RTL4: variants seen among roughly 807,000 people sequenced by gnomAD.
RTL4 encodes retrotransposon Gag-like protein 4.
Under a neutral mutation model 5.3 loss-of-function variants are expected in RTL4, and 4 were observed. The ratio of observed to expected loss-of-function variants is 0.75; its 90% CI spans 0.37 to 1.72. RTL4 has a LOEUF of 1.72. Ranked by LOEUF, RTL4 falls within the 40% of genes most tolerant of loss-of-function variation. RTL4 has a pLI of 0.04. For synonymous variants in RTL4, 98 were observed against 87.3 expected, an observed-to-expected ratio of 1.12 and a Z score of -0.68; for missense variants, 260 against 227.1, an observed-to-expected ratio of 1.14 and a Z score of -0.93.
At chrX:112,125,562 T>A in the RTL4 span, among the ~76,000 whole-genome samples, 2 of 111,718 alleles carry the variant, frequency 1.8e-5, no homozygotes, top group African/African-American at 6.5e-5. Context: ...AGAGAAGACA[T>A]GTTAATAATG....
the RTL4 span, among the ~76,000 whole-genome samples, chrX:112,337,133 G>A: frequency 1.8e-5 from 2 of 111,672 alleles, no homozygotes; most frequent in Non-Finnish European, 3.8e-5. Context: ...GTCTCTCAAA[G>A]TATGTCGCTT....
the RTL4 span, among the ~76,000 whole-genome samples, chrX:112,326,811 G>A: frequency 4.5e-5 from 5 of 111,699 alleles, no homozygotes; most frequent in Admixed American, 1.9e-4. Flanking sequence ...GGAGATCTGA[G>A]AACGGGCAGA....
At chrX:112,381,949 G>A in the RTL4 span, 2 of 1,209,048 alleles carry the variant, frequency 1.7e-6, no homozygotes, top group South Asian at 1.8e-5. Flanking sequence ...CAGCAAAGCG[G>A]TTTATTTTTG....
chrX:112,268,172 A>G, the RTL4 span, among the ~76,000 whole-genome samples: 1 of 110,975 alleles, frequency 9.0e-6, no homozygotes, highest in African/African-American at 3.3e-5. Context: ...CTTATCTCCA[A>G]CCACTCTCTT....
chrX:112,232,609 G>T, the RTL4 span, among the ~76,000 whole-genome samples: 1 of 111,752 alleles, frequency 8.9e-6, no homozygotes, highest in Non-Finnish European at 1.9e-5. Context: ...GGGATCTTGT[G>T]CTGAGTGTTC....
chrX:112,294,785 A>T, the RTL4 span, among the ~76,000 whole-genome samples: 1 of 111,936 alleles, frequency 8.9e-6, no homozygotes, highest in Non-Finnish European at 1.9e-5. Flanking sequence ...TGTTTTTTAG[A>T]TGGCCAACTT....
the RTL4 span, among the ~76,000 whole-genome samples, chrX:112,228,663 A>G: frequency 8.9e-6 from 1 of 111,788 alleles, no homozygotes; most frequent in Non-Finnish European, 1.9e-5. Flanking sequence ...GCAAGTGTGT[A>G]TGCTTTGATC....
chrX:112,183,417 C>T, the RTL4 span, among the ~76,000 whole-genome samples: 3 of 111,517 alleles, frequency 2.7e-5, no homozygotes, highest in South Asian at 3.8e-4. Flanking sequence ...TTCAGGAGAA[C>T]GATCTCGTGC....
At chrX:112,362,990 C>T in the RTL4 span, among the ~76,000 whole-genome samples, 3 of 111,073 alleles carry the variant, frequency 2.7e-5, no homozygotes, top group Non-Finnish European at 5.7e-5. Context: ...GTGTGCTCTG[C>T]GAGCAGCCTT....
chrX:112,113,685 T>C, the RTL4 span, among the ~76,000 whole-genome samples: 2 of 111,879 alleles, frequency 1.8e-5, no homozygotes, highest in African/African-American at 6.5e-5. Context: ...CTTTGTCTTC[T>C]GGGGCAGTGC....
chrX:112,328,768 C>T, the RTL4 span, among the ~76,000 whole-genome samples: 3 of 111,678 alleles, frequency 2.7e-5, no homozygotes, highest in Admixed American at 9.6e-5. Flanking sequence ...GTAAAGTTCC[C>T]CTCAGCAAAT....
chrX:112,435,482 T>A, the RTL4 span, among the ~76,000 whole-genome samples: 1 of 112,212 alleles, frequency 8.9e-6, no homozygotes, highest in Admixed American at 9.5e-5. Context: ...TTGGGGAGAA[T>A]TTGTTTTCAT....
chrX:112,439,733 T>C, the RTL4 span, among the ~76,000 whole-genome samples: 1 of 111,222 alleles, frequency 9.0e-6, no homozygotes, highest in Non-Finnish European at 1.9e-5. Flanking sequence ...GCTCTGTTAG[T>C]TCCTGTGAGA....
the RTL4 span, among the ~76,000 whole-genome samples, chrX:112,144,587 T>C: frequency 9.0e-6 from 1 of 111,646 alleles, no homozygotes; most frequent in Non-Finnish European, 1.9e-5. Context: ...TGACTGCACA[T>C]TGGAATCACC....
chrX:112,104,190 G>A, the RTL4 span, among the ~76,000 whole-genome samples: 1 of 111,835 alleles, frequency 8.9e-6, no homozygotes, highest in Non-Finnish European at 1.9e-5. Context: ...CTAACATATT[G>A]TCCTCCAGGT....
the RTL4 span, among the ~76,000 whole-genome samples, chrX:112,262,550 G>T: frequency 8.9e-6 from 1 of 112,093 alleles, no homozygotes; most frequent in Non-Finnish European, 1.9e-5. Flanking sequence ...AACAACAGGT[G>T]CTGGAGAGGA....
chrX:112,331,020 A>G, the RTL4 span, among the ~76,000 whole-genome samples: 1 of 108,606 alleles, frequency 9.2e-6, no homozygotes, highest in South Asian at 4.1e-4. Flanking sequence ...GATGGATTAA[A>G]GACTTAAATG....
chrX:112,367,491 TTC>T, the RTL4 span, among the ~76,000 whole-genome samples: 1 of 112,108 alleles, frequency 8.9e-6, no homozygotes, highest in East Asian at 2.8e-4. Flanking sequence ...ATTAGATATC[TTC>T]TGTTTTAAGA....
chrX:112,090,791 T>TA, the RTL4 span, among the ~76,000 whole-genome samples: 1 of 111,149 alleles, frequency 9.0e-6, no homozygotes, highest in Non-Finnish European at 1.9e-5. Flanking sequence ...CCTCTCCTAT[T>TA]AAAATTTTTT....
Sources: allele counts gnomAD v4.1 joint callset (sites outside exome capture counted in the v4.1 genomes callset), GRCh38; gene constraint gnomAD v4.1.1; transcripts MANE v1.5; gene names NCBI Gene and HGNC (gene_info 2026-07-23, HGNC 2026-07-21).